The following EXOC6B variants were observed in gnomAD, a reference collection of about 807,000 sequenced individuals.
EXOC6B encodes exocyst complex component 6B, also known as SEC15 homolog B.
EXOC6B carries 54 observed loss-of-function variants against 113.5 expected under a neutral mutation model. That is an observed-to-expected ratio of 0.48 (90% CI 0.38 to 0.60). EXOC6B has a LOEUF of 0.60. Among genes scored for constraint, EXOC6B ranks in the 20% least tolerant of loss-of-function variants. The pLI is 0.00. For synonymous variants in EXOC6B, 357 were observed against 339.0 expected (o/e 1.05, Z -0.58); for missense variants, 797 against 977.5 (o/e 0.82, Z 2.46).
At position 72,314,387 on chromosome 2, in the gene EXOC6B, C is replaced by G. The variant is rs1170447244; in HGVS notation, c.2196+20560G>C. Reference sequence around the variant, plus strand: ...TTTCAGTTTACCAAAACACTGCTTGCAAACATGTTCTATGAAGTTACTTGA... The same window carrying G: ...TTTCAGTTTACCAAAACACTGCTTGGAAACATGTTCTATGAAGTTACTTGA... On this transcript the variant is annotated intron_variant, in intron 20 of 21. Coordinates refer to ENST00000272427, the MANE Select transcript of EXOC6B (RefSeq NM_015189.3). Among the ~76,000 whole-genome samples the G allele has an allele frequency of 3.3e-5, 5 of 152,182 alleles. 1 individual carries two copies. The East Asian group carries it at 9.6e-4, about 29-fold the overall frequency.
Position 72,437,129 on chromosome 2 carries a change from A to C in EXOC6B, c.1980+28031T>G, listed in dbSNP as rs535009363. Among the ~76,000 whole-genome samples the C allele has an allele frequency of 1.3e-4, 20 of 151,988 alleles. No individual in the cohort carries two copies. In the South Asian group the frequency reaches 3.7e-3, roughly 28 times the overall value. ...TTCATGTTATCACTTTTTCTTTGTT[A>C]GTTTTCCTTCTAACAGTCAGGCCCC... On this transcript the variant is annotated intron_variant, in intron 18 of 21. Coordinates refer to ENST00000272427, the MANE Select transcript of EXOC6B (RefSeq NM_015189.3).
intron 18 of EXOC6B, among the ~76,000 whole-genome samples, chr2:72,381,536 G>A (rs1357989777): frequency 6.6e-6 from 1 of 152,050 alleles, no homozygotes; most frequent in Non-Finnish European, 1.5e-5. Flanking sequence ...AGGCTTTAAA[G>A]AGAAAAACCA....
At chr2:72,823,589 G>C (rs1686724270) in intron 1 of EXOC6B, among the ~76,000 whole-genome samples, 1 of 151,292 alleles carries the variant, frequency 6.6e-6, no homozygotes, top group Non-Finnish European at 1.5e-5. Flanking sequence ...TTCAAGACCA[G>C]CTTGGGCAAC....
rs146610494 is a variant in EXOC6B, at chr2:72,771,935, G to A, written c.114-30466C>T. ...TAAAACTGAGGAGCGATGTCAGCAA[G>A]ATGGCAGAATAGGAGTTTCCAACAC... On this transcript the variant is annotated intron_variant, in intron 1 of 21. Transcript: ENST00000272427. 2.6e-5 allele frequency among the ~76,000 whole-genome samples: 4 copies of A among 152,296 alleles called. No individual in the cohort carries two copies. In the East Asian group the frequency reaches 5.8e-4, roughly 22 times the overall value.
chr2:72,370,334 A>G (rs1690919994), intron 19 of EXOC6B, among the ~76,000 whole-genome samples: 2 of 152,202 alleles, frequency 1.3e-5, no homozygotes, highest in Admixed American at 1.3e-4. Flanking sequence ...ACCAGTTAGA[A>G]TGGCGATCAT....
rs11895956 is a variant in EXOC6B, at chr2:72,192,537, A to C, written c.2197-8350T>G. 3.6e-3 allele frequency among the ~76,000 whole-genome samples: 555 copies of C among 152,288 alleles called. 9 individuals carry two copies. The highest frequency in any genetic ancestry group is 0.013 in the African/African-American group (540 of 41,556). On this transcript the variant is annotated intron_variant, in intron 20 of 21. Transcript: ENST00000272427. ...GGGAACACAGCAGATGTTTGGTGAC[A>C]TGTGGGCTGGGTCTTAGTAGGCAGC...
At chr2:72,356,338 A>C (rs1030203475) in intron 19 of EXOC6B, among the ~76,000 whole-genome samples, 5 of 152,176 alleles carry the variant, frequency 3.3e-5, no homozygotes, top group Non-Finnish European at 7.3e-5. Flanking sequence ...ACAGTGCTTC[A>C]GATCTTAACT....
At chr2:72,747,547 A>G (rs1390419361) in intron 1 of EXOC6B, among the ~76,000 whole-genome samples, 1 of 152,060 alleles carries the variant, frequency 6.6e-6, no homozygotes, top group East Asian at 1.9e-4. Flanking sequence ...ATCATGTTAT[A>G]TGACTTAATA....
intron 16 of EXOC6B, among the ~76,000 whole-genome samples, chr2:72,487,654 G>A (rs1474713632): frequency 4.6e-5 from 7 of 151,990 alleles, no homozygotes; most frequent in Non-Finnish European, 8.8e-5. Flanking sequence ...CCACTGTGCC[G>A]AATCCTACAC....
intron 1 of EXOC6B, among the ~76,000 whole-genome samples, chr2:72,774,004 A>G (rs896356140): frequency 1.3e-5 from 2 of 152,254 alleles, no homozygotes; most frequent in Non-Finnish European, 2.9e-5. Flanking sequence ...GTACCTTGTT[A>G]CATTAAAACC....
chr2:72,188,641 T>G (rs1678604502), intron 20 of EXOC6B, among the ~76,000 whole-genome samples: 1 of 152,216 alleles, frequency 6.6e-6, no homozygotes. Flanking sequence ...CCAGACTGAC[T>G]TTCAAGGTCA....
At chr2:72,461,771 T>A (rs1364648201) in intron 18 of EXOC6B, 1 of 151,926 alleles carries the variant, frequency 6.6e-6, no homozygotes, top group African/African-American at 2.4e-5. Context: ...AAAAACTGAC[T>A]CCAAAAAGAC....
At chr2:72,624,287 AG>A (rs746115702) in intron 6 of EXOC6B, among the ~76,000 whole-genome samples, 22 of 152,098 alleles carry the variant, frequency 1.4e-4, no homozygotes, top group Non-Finnish European at 2.4e-4. Flanking sequence ...TTGTAGAGAC[AG>A]GGGTTTTGCT....
chr2:72,633,323 G>A (rs191679233), intron 6 of EXOC6B, among the ~76,000 whole-genome samples: 11 of 152,262 alleles, frequency 7.2e-5, no homozygotes, highest in Non-Finnish European at 1.5e-4. Context: ...GTTGTTGTTG[G>A]AAGAAATTAG....
At chr2:72,499,174 A>C (rs2105584894) in intron 12 of EXOC6B, among the ~76,000 whole-genome samples, 1 of 152,188 alleles carries the variant, frequency 6.6e-6, no homozygotes, top group East Asian at 1.9e-4. Context: ...CCTAGTTCCT[A>C]GGAAAATAAT....
chr2:72,542,697 A>G (rs1702672023), intron 8 of EXOC6B, among the ~76,000 whole-genome samples: 2 of 152,030 alleles, frequency 1.3e-5, no homozygotes, highest in Admixed American at 1.3e-4. Flanking sequence ...AGAAAAAGAA[A>G]CTCCTTTTCT....
chr2:72,752,920 T>G (rs1377115149), intron 1 of EXOC6B, among the ~76,000 whole-genome samples: 1 of 152,084 alleles, frequency 6.6e-6, no homozygotes, highest in Non-Finnish European at 1.5e-5. Flanking sequence ...ATAATTCTTC[T>G]TCTTCCCTCT....
chr2:72,346,415 G>A (rs1689342855), intron 19 of EXOC6B, among the ~76,000 whole-genome samples: 3 of 152,142 alleles, frequency 2.0e-5, no homozygotes, highest in Admixed American at 6.5e-5. Flanking sequence ...CATTTACCTG[G>A]AGAGAGGCAT....
intron 12 of EXOC6B, 54 bp downstream of exon 12, chr2:72,499,847 A>T: frequency 7.9e-7 from 1 of 1,273,228 alleles, no homozygotes; most frequent in Non-Finnish European, 1.1e-6. Flanking sequence ...AAAAAGGTTT[A>T]GAGCTGATTA....
Sources: gnomAD v4.1 joint callset for allele counts (sites outside exome capture counted in the v4.1 genomes callset) on GRCh38, gnomAD v4.1.1 for gene constraint, MANE v1.5 for transcripts, NCBI Gene and HGNC (gene_info 2026-07-23, HGNC 2026-07-21) for gene names.